Variants in HYDIN observed in about 807,000 individuals in gnomAD.
HYDIN encodes HYDIN axonemal central pair apparatus protein, also known as axonemal central pair apparatus protein HYDIN.
Under a neutral mutation model 403.9 loss-of-function variants are expected in HYDIN, and 132 were observed. That is an observed-to-expected ratio of 0.33 (90% CI 0.28 to 0.38). The LOEUF (loss-of-function observed/expected upper bound fraction) is 0.38. Ranked by LOEUF, HYDIN falls within the 10% of genes least tolerant of loss-of-function variation. HYDIN has a pLI of 1.00. For synonymous variants in HYDIN, 1,202 were observed against 1,891.7 expected, an observed-to-expected ratio of 0.64 and a Z score of 9.46; for missense variants, 2,827 against 5,009.5, an observed-to-expected ratio of 0.56 and a Z score of 13.15.
intron 18 of HYDIN, among the ~76,000 whole-genome samples, chr16:71,048,419 AT>A (rs2081522324): frequency 1.6e-5 from 2 of 128,044 alleles, no homozygotes; most frequent in Admixed American, 1.5e-4. Flanking sequence ...TCTCCATATT[AT>A]TTTCAATAGT....
chr16:71,125,501 G>C lies in HYDIN; in HGVS notation c.1227+4139C>G, dbSNP rs544703507. 4.6e-5 allele frequency among the ~76,000 whole-genome samples: 7 copies of C among 152,314 alleles called. No homozygotes were observed. In the South Asian group the frequency reaches 1.2e-3, roughly 27 times the overall value. Reference sequence around the variant, plus strand: ...CTAAATTGGAGAGTCAGCATTTGTAGATCAAAAAGGATCAATGTGACTTAA... The same window carrying C: ...CTAAATTGGAGAGTCAGCATTTGTACATCAAAAAGGATCAATGTGACTTAA... On this transcript the variant is annotated intron_variant, in intron 9 of 85. Coordinates refer to ENST00000393567, the MANE Select transcript of HYDIN (RefSeq NM_001270974.2).
chr16:71,228,336 C>G (rs1237694912), intron 1 of HYDIN, among the ~76,000 whole-genome samples: 1 of 152,182 alleles, frequency 6.6e-6, no homozygotes, highest in Non-Finnish European at 1.5e-5. Context: ...TAAAGAGCTT[C>G]TGCACAGCAA....
chr16:71,205,671 T>C (rs1043434688), intron 1 of HYDIN, among the ~76,000 whole-genome samples: 32 of 152,280 alleles, frequency 2.1e-4, no homozygotes, highest in Non-Finnish European at 3.4e-4. Context: ...CAGCCTGAAA[T>C]TGGCTGGCCA....
At chr16:71,190,308 A>C (rs1342964471) in intron 1 of HYDIN, among the ~76,000 whole-genome samples, 1 of 151,626 alleles carries the variant, frequency 6.6e-6, no homozygotes, top group African/African-American at 2.4e-5. Context: ...AGCAACTTGA[A>C]AGCATTCCCA....
intron 36 of HYDIN, among the ~76,000 whole-genome samples, chr16:70,968,922 AAAG>A (rs1279775514): frequency 6.6e-6 from 1 of 152,098 alleles, no homozygotes; most frequent in Non-Finnish European, 1.5e-5. Context: ...CAAATAAAAA[AAAG>A]AAAGTCTTAG....
intron 53 of HYDIN, among the ~76,000 whole-genome samples, chr16:70,898,816 T>C (rs1330742622): frequency 6.6e-5 from 10 of 150,390 alleles, no homozygotes; most frequent in Non-Finnish European, 1.2e-4. Context: ...CGAACTTGGC[T>C]CATTGCAACC....
rs1249616194 is a variant in HYDIN, at chr16:70,981,383, A to C, written c.4510+8T>G. 1 of 1,611,850 alleles carries C rather than the reference A, an allele frequency of 6.2e-7. No individual in the cohort carries two copies. The highest frequency in any genetic ancestry group is 1.7e-5 in the Admixed American group (1 of 59,732). On this transcript the variant is annotated splice_region_variant and intron_variant, in intron 29 of 85. Coordinates refer to ENST00000393567, the MANE Select transcript of HYDIN (RefSeq NM_001270974.2). ...CCAGTGGGGAACTACTCCAGTGTGAAGTACTACCTGTGAGGTTCCTGGGGA... is the reference window on the plus strand; with the variant it reads ...CCAGTGGGGAACTACTCCAGTGTGACGTACTACCTGTGAGGTTCCTGGGGA...
intron 37 of HYDIN, among the ~76,000 whole-genome samples, chr16:70,963,051 G>A (rs2078466947): frequency 6.6e-6 from 1 of 152,112 alleles, no homozygotes; most frequent in Non-Finnish European, 1.5e-5. Context: ...GGAGCACCAA[G>A]GCCTTCTCTG....
intron 21 of HYDIN, among the ~76,000 whole-genome samples, chr16:71,024,150 T>C (rs1181908595): frequency 6.6e-6 from 1 of 152,228 alleles, no homozygotes; most frequent in Non-Finnish European, 1.5e-5. Context: ...TCTGACCATG[T>C]CACTCCCTTC....
At chr16:71,196,562 G>T (rs1038631791) in intron 1 of HYDIN, among the ~76,000 whole-genome samples, 2 of 152,166 alleles carry the variant, frequency 1.3e-5, no homozygotes, top group Non-Finnish European at 2.9e-5. Flanking sequence ...TAGTATATTT[G>T]TTAGGGGAGT....
intron 1 of HYDIN, among the ~76,000 whole-genome samples, chr16:71,221,529 T>TG (rs1208304471): frequency 8.6e-5 from 13 of 151,966 alleles, no homozygotes; most frequent in Non-Finnish European, 1.9e-4. Flanking sequence ...AATAAGCAGC[T>TG]CTTGGTCAAA....
At chr16:70,913,365 T>C (rs1243661655) in intron 47 of HYDIN, among the ~76,000 whole-genome samples, 5 of 152,154 alleles carry the variant, frequency 3.3e-5, no homozygotes, top group Non-Finnish European at 7.4e-5. Flanking sequence ...TAAATTTCCA[T>C]CTTGATTTTG....
intron 10 of HYDIN, among the ~76,000 whole-genome samples, chr16:71,101,562 T>C (rs868526543): frequency 1.4e-5 from 2 of 147,406 alleles, no homozygotes; most frequent in Non-Finnish European, 3.0e-5. Flanking sequence ...GAAACACAAA[T>C]GGCCAGCCAA....
At chr16:70,988,613 AT>A in intron 25 of HYDIN, 101 bp from the exon 26 acceptor site, 1 of 432,166 alleles carries the variant, frequency 2.3e-6, no homozygotes, top group East Asian at 7.4e-5. Context: ...AAAATAGTAC[AT>A]TTTTTCCCAG....
chr16:70,839,144 TAACAATA>T (rs2037643306), intron 76 of HYDIN, among the ~76,000 whole-genome samples: 1 of 105,574 alleles, frequency 9.5e-6, no homozygotes, highest in Non-Finnish European at 1.7e-5. Context: ...CAGCAGCAGC[TAACAATA>T]ACTGGGCATT....
chr16:71,193,389 G>C (rs2087533459), intron 1 of HYDIN, among the ~76,000 whole-genome samples: 1 of 152,154 alleles, frequency 6.6e-6, no homozygotes, highest in African/African-American at 2.4e-5. Context: ...GTGATGTAAT[G>C]TCTTCTTTCA....
rs1377422475 is a variant in HYDIN at position 71,222,445 on chromosome 16, T to G, written c.-24+8117A>C. ...TAGAACAAGACAAGGATGCCCACTT[T>G]CACCACTTTTATTTGACATAATACT... On this transcript the variant is annotated intron_variant, in intron 1 of 85. Coordinates refer to ENST00000393567, the MANE Select transcript of HYDIN (RefSeq NM_001270974.2). 2.6e-5 allele frequency among the ~76,000 whole-genome samples: 4 copies of G among 152,196 alleles called. No homozygotes were observed. The South Asian group carries it at 8.3e-4, about 32-fold the overall frequency.
At position 70,850,446 on chromosome 16, in the gene HYDIN, A is replaced by C. The variant is rs2143578393; in HGVS notation, c.12651+2T>G. ...GATAGCAAGGTCTTCTTACACCTTT[A>C]CCTCATAGAAGTTGATGATGTTAGT... On this transcript the variant is annotated splice_donor_variant, in intron 74 of 85. Transcript: ENST00000393567. LOFTEE classifies it high-confidence loss of function. 1 of 1,425,726 alleles carries C rather than the reference A, an allele frequency of 7.0e-7. No homozygotes were observed. Among genetic ancestry groups the C allele is most frequent in the South Asian group, 1.2e-5 (1 of 81,902 alleles). The allele number at this position is 1,425,726 out of a possible 1,614,324, so 88.3% of individuals were successfully genotyped here.
At chr16:71,064,004 C>T (rs1266115352) in intron 16 of HYDIN, among the ~76,000 whole-genome samples, 2 of 124,688 alleles carry the variant, frequency 1.6e-5, no homozygotes, top group East Asian at 4.0e-4. Context: ...TTTTAACTTC[C>T]ATTGATCTTG....
Sources: gnomAD v4.1 joint callset for allele counts (sites outside exome capture counted in the v4.1 genomes callset) on GRCh38, gnomAD v4.1.1 for gene constraint, MANE v1.5 for transcripts, NCBI Gene and HGNC (gene_info 2026-07-23, HGNC 2026-07-21) for gene names.